BRAP: variants seen among roughly 807,000 people sequenced by gnomAD.
BRAP encodes the protein BRCA1-associated protein.
BRAP carries 42 observed loss-of-function variants against 73.4 expected under a neutral mutation model. That is an observed-to-expected ratio of 0.57 (90% confidence interval 0.45 to 0.74). BRAP has a LOEUF of 0.74. Ranked by LOEUF, BRAP falls within the 30% of genes least tolerant of loss-of-function variation. The probability of loss-of-function intolerance (pLI) is 0.00; values close to 1 mark genes in which losing one functional copy is unlikely to be tolerated. For synonymous variants in BRAP, 255 were observed against 267.4 expected, an observed-to-expected ratio of 0.95 and a Z score of 0.45; for missense variants, 593 against 751.4, an observed-to-expected ratio of 0.79 and a Z score of 2.46.
intron 2 of BRAP, among the ~76,000 whole-genome samples, chr12:111,682,497 C>CAAAA (rs11366915): frequency 1.3e-3 from 102 of 77,576 alleles, no homozygotes; most frequent in East Asian, 2.0e-3. Flanking sequence ...GAGACTGTCT[C>CAAAA]AAAAAAAAAA....
chr12:111,649,433 G>GTT (rs1474163779), intron 11 of BRAP, among the ~76,000 whole-genome samples: 1 of 152,176 alleles, frequency 6.6e-6, no homozygotes, highest in Non-Finnish European at 1.5e-5. Context: ...GATTACAGGC[G>GTT]TAAGCCACCA....
chr12:111,670,327 T>A, intron 5 of BRAP: 1 of 514,236 alleles, frequency 1.9e-6, no homozygotes, highest in Admixed American at 2.3e-5. Context: ...CTCTGGCAGC[T>A]CCAGCTCGCT....
At chr12:111,683,100 C>A in intron 2 of BRAP, 46 bp downstream of exon 2, 1 of 1,573,124 alleles carries the variant, frequency 6.4e-7, no homozygotes. Flanking sequence ...AATAGGCAAC[C>A]AGTGTTCACA....
chr12:111,646,468 A>G (rs1056391862), intron 11 of BRAP, among the ~76,000 whole-genome samples: 14 of 152,086 alleles, frequency 9.2e-5, no homozygotes, highest in African/African-American at 3.4e-4. Context: ...ACAACTTGGC[A>G]ATATCTATAA....
At position 111,659,358 on chromosome 12, in the gene BRAP, G is replaced by GT. The variant is rs777452566; in HGVS notation, c.973-14dup. ...AAATCCAAAGATTCTGCCGGAAGAG[G>GT]TAAGATCTTAATTAGTTAAATAAAA... On this transcript the variant is annotated splice_polypyrimidine_tract_variant and intron_variant, in intron 7 of 11. Transcript: ENST00000419234. 1 of 1,608,634 alleles carries GT rather than the reference G, an allele frequency of 6.2e-7. No homozygotes were observed. The highest frequency in any genetic ancestry group is 8.5e-7 in the Non-Finnish European group (1 of 1,176,588).
intron 5 of BRAP, 102 bp downstream of exon 5, chr12:111,672,559 T>A (rs1887218077): frequency 1.0e-6 from 1 of 971,226 alleles, no homozygotes; most frequent in Non-Finnish European, 1.5e-6. Context: ...ACTTTCTGTG[T>A]CTATGGACTG....
At chr12:111,676,420 AT>A (rs920819897) in intron 4 of BRAP, among the ~76,000 whole-genome samples, 30 of 146,546 alleles carry the variant, frequency 2.0e-4, no homozygotes, top group African/African-American at 5.0e-4. Context: ...AATACATGGC[AT>A]TTTTTTTTTT....
intron 6 of BRAP, 108 bp from the exon 7 acceptor site, chr12:111,660,783 A>G: frequency 4.0e-6 from 3 of 754,514 alleles, no homozygotes. Flanking sequence ...CTTATATGCT[A>G]TTTTTATCAT....
chr12:111,674,246 C>A (rs533727882), intron 4 of BRAP, among the ~76,000 whole-genome samples: 1 of 152,088 alleles, frequency 6.6e-6, no homozygotes, highest in East Asian at 1.9e-4. Context: ...TGCTTCCCCC[C>A]CACCTTTTTT....
Position 111,649,991 on chromosome 12 carries a change from G to C in BRAP, c.1363C>G (p.Leu455Val). Residue 455 changes from leucine to valine, a missense_variant, in exon 11 of 12, where the codon CTA becomes GTA. Physicochemically the swap from Leu to Val is conservative, Grantham distance 32. Around this residue, in one of 4 missense-constraint regions of BRAP, gnomAD observed 143 missense variants for 190.4 expected, o/e 0.75. Transcript: ENST00000419234. Reference sequence around the variant, plus strand: ...AGGAGATCATTTAGTTTGTGCTCTAGATTATCACACTTCTCAATTGTTTCT... The same window carrying C: ...AGGAGATCATTTAGTTTGTGCTCTACATTATCACACTTCTCAATTGTTTCT... ...FKETIEKCDN[L>V]EHKLNDLLKE... is the part of the protein sequence containing the mutation. The C allele has an allele frequency of 6.2e-7, 1 of 1,612,226 alleles. No individual in the cohort carries two copies. Among genetic ancestry groups the C allele is most frequent in the Non-Finnish European group, 8.5e-7 (1 of 1,178,714 alleles).
intron 4 of BRAP, among the ~76,000 whole-genome samples, chr12:111,676,353 T>C (rs1592994867): frequency 6.6e-6 from 1 of 152,332 alleles, no homozygotes; most frequent in East Asian, 1.9e-4. Context: ...CTCTGACACC[T>C]ACTAGCTGTT....
Position 111,649,992 on chromosome 12 carries a change from A to G in BRAP, c.1362T>C (p.Asn454=), listed in dbSNP as rs1566110436. The G allele has an allele frequency of 1.2e-6, 2 of 1,612,432 alleles. No homozygotes were observed. Among genetic ancestry groups the G allele is most frequent in the Admixed American group, 1.7e-5 (1 of 59,966 alleles). Residue 454 remains asparagine, a synonymous_variant, in exon 11 of 12, where the codon AAT becomes AAC. Transcript: ENST00000419234. The stretch of plus-strand genomic sequence containing the variant: ...GGAGATCATTTAGTTTGTGCTCTAG[A>G]TTATCACACTTCTCAATTGTTTCTT... ...KFKETIEKCD[N]LEHKLNDLLK... is the part of the protein sequence containing the mutation.
rs940291393 is a variant in BRAP at position 111,643,229 on chromosome 12, A to G, written c.*970T>C. ...TAGGATTTAGAAACAGCTTTTGGTT[A>G]TATCTTGAAAGCGTAATTGAAAATC... On this transcript the variant is annotated 3_prime_UTR_variant, in exon 12 of 12. Transcript: ENST00000419234. The G allele has an allele frequency of 2.0e-5, 3 of 151,066 alleles. No individual in the cohort carries two copies. The highest frequency in any genetic ancestry group is 1.3e-4 in the Admixed American group (2 of 15,200). 9.4% of individuals were successfully genotyped at this position (151,066 alleles called of 1,614,324 possible). A position where few individuals can be genotyped will look rare whatever the true frequency, so the allele number is the denominator to read the frequency against.
chr12:111,683,151 T>C lies in BRAP; in HGVS notation c.239A>G (p.Asn80Ser). ...CAGGGTTTTAGAAAGCATACCTGGGTTGGACTTCATGGTCTCAATGATCAC... is the reference window on the plus strand; with the variant it reads ...CAGGGTTTTAGAAAGCATACCTGGGCTGGACTTCATGGTCTCAATGATCAC... ...TDVIIETMKSNPDELKTTVEE... is the reference protein window; with the variant it reads ...TDVIIETMKSSPDELKTTVEE... Residue 80 changes from asparagine to serine, a missense_variant, in exon 2 of 12, where the codon AAC becomes AGC. Physicochemically the swap from Asn to Ser is conservative, Grantham distance 46. Coordinates refer to ENST00000419234, the MANE Select transcript of BRAP (RefSeq NM_006768.5). 2 of 1,613,358 alleles carry C rather than the reference T, an allele frequency of 1.2e-6. No homozygotes were observed. The highest frequency in any genetic ancestry group is 1.7e-6 in the Non-Finnish European group (2 of 1,179,782).
chr12:111,655,406 CAA>C (rs1482695471), intron 10 of BRAP, among the ~76,000 whole-genome samples, 158 bp downstream of exon 10: 2 of 151,608 alleles, frequency 1.3e-5, no homozygotes, highest in Non-Finnish European at 2.9e-5. Context: ...CCTTTAAATC[CAA>C]AGTTTCTTTT....
intron 9 of BRAP, 27 bp downstream of exon 9, chr12:111,658,709 A>G: frequency 7.1e-7 from 1 of 1,401,890 alleles, no homozygotes; most frequent in Non-Finnish European, 1.0e-6. Context: ...AGAAACAGAT[A>G]GAGTGATAAC....
Position 111,642,474 on chromosome 12 carries a change from C to T in BRAP, c.*1725G>A, listed in dbSNP as rs997528097. 2 of 152,124 alleles carry T rather than the reference C, an allele frequency of 1.3e-5. No individual in the cohort carries two copies. Among genetic ancestry groups the T allele is most frequent in the South Asian group, 4.1e-4 (2 of 4,820 alleles). 9.4% of individuals were successfully genotyped at this position (152,124 alleles called of 1,614,324 possible). On this transcript the variant is annotated 3_prime_UTR_variant, in exon 12 of 12. Coordinates refer to ENST00000419234, the MANE Select transcript of BRAP (RefSeq NM_006768.5). ...GTTTTCCCAGGTGGTGGTGGGGCCA[C>T]TGGATAGAAGGGATCACAGAGAAAT...
At position 111,685,743 on chromosome 12, in the gene BRAP, G is replaced by A. The variant is rs1399324936; in HGVS notation, c.50C>T (p.Pro17Leu). ...VIRLELAEHS[P>L]VPAGFGFSAA... ...GCTGAAGCCGAAGCCGGCGGGGACA[G>A]GCGAGTGTTCCGCGAGCTCCAATCG... Residue 17 changes from proline (P) to leucine (L), a missense_variant, in exon 1 of 12, where the codon CCT becomes CTT. Coordinates refer to ENST00000419234, the MANE Select transcript of BRAP (RefSeq NM_006768.5). 2 of 1,609,912 alleles carry A rather than the reference G, an allele frequency of 1.2e-6. No homozygotes were observed. The highest frequency in any genetic ancestry group is 1.7e-4 in the Middle Eastern group (1 of 6,056).
At chr12:111,680,141 G>A (rs1409636930) in intron 3 of BRAP, among the ~76,000 whole-genome samples, 2 of 151,648 alleles carry the variant, frequency 1.3e-5, no homozygotes, top group East Asian at 4.0e-4. Flanking sequence ...ATTTTTAGTA[G>A]AGATGGGGTT....
Sources: allele counts gnomAD v4.1 joint callset (sites outside exome capture counted in the v4.1 genomes callset), GRCh38; gene constraint gnomAD v4.1.1; regional missense constraint gnomAD v4.1.1; transcripts MANE v1.5; gene names NCBI Gene and HGNC (gene_info 2026-07-23, HGNC 2026-07-21).